The following EPHA6 variants were observed in gnomAD, a reference collection of about 807,000 sequenced individuals.
EPHA6 encodes ephrin type-A receptor 6.
Under a neutral mutation model 112.0 loss-of-function variants are expected in EPHA6, and 50 were observed. The ratio of observed to expected loss-of-function variants is 0.45; its 90% CI spans 0.36 to 0.56. The LOEUF (loss-of-function observed/expected upper bound fraction) is 0.56. Ranked by LOEUF, EPHA6 falls within the 20% of genes least tolerant of loss-of-function variation. The pLI is 0.00. For synonymous variants in EPHA6, 529 were observed against 490.7 expected, an observed-to-expected ratio of 1.08 and a Z score of -1.03; for missense variants, 1,280 against 1,417.4, an observed-to-expected ratio of 0.90 and a Z score of 1.56.
intron 3 of EPHA6, among the ~76,000 whole-genome samples, chr3:97,117,419 T>A (rs2047920599): frequency 6.6e-6 from 1 of 151,768 alleles, no homozygotes; most frequent in African/African-American, 2.4e-5. Flanking sequence ...TCCTAAAAAA[T>A]TTCCCGTTTC....
At position 97,500,957 on chromosome 3, in the gene EPHA6, A is replaced by G. The variant is rs1001535325; in HGVS notation, c.2200+16898A>G. Among the ~76,000 whole-genome samples the G allele has an allele frequency of 9.6e-4, 146 of 152,284 alleles. 1 individual carries two copies. Among genetic ancestry groups the G allele is most frequent in the Non-Finnish European group, 1.8e-4 (12 of 68,010 alleles). ...GCAATTTTTTTTCTAGTTCTAAAGT[A>G]CTATGCCCAAGCTCAAAGGGTTACC... On this transcript the variant is annotated intron_variant, in intron 10 of 17. Transcript: ENST00000389672.
At chr3:96,861,846 TAGA>T (rs1385014765) in intron 1 of EPHA6, among the ~76,000 whole-genome samples, 12 of 152,092 alleles carry the variant, frequency 7.9e-5, no homozygotes, top group African/African-American at 2.4e-4. Context: ...TGATCCTCTT[TAGA>T]AGATTTTATC....
At chr3:97,710,103 C>T (rs998707502) in intron 14 of EPHA6, among the ~76,000 whole-genome samples, 1 of 152,178 alleles carries the variant, frequency 6.6e-6, no homozygotes, top group African/African-American at 2.4e-5. Context: ...ATTTCCAGCT[C>T]TAGGTACTTC....
At chr3:97,680,940 T>C in intron 14 of EPHA6, among the ~76,000 whole-genome samples, 1 of 152,112 alleles carries the variant, frequency 6.6e-6, no homozygotes, top group Non-Finnish European at 1.5e-5. Flanking sequence ...TTATAACTGC[T>C]CTATCACACA....
intron 14 of EPHA6, among the ~76,000 whole-genome samples, chr3:97,650,312 T>G (rs73134941): frequency 0.075 from 11,412 of 152,130 alleles, 577 homozygotes; most frequent in Middle Eastern, 0.14. Flanking sequence ...AATATACTGC[T>G]TAGGTGAACT....
At chr3:97,653,312 A>G (rs2094118716) in intron 14 of EPHA6, among the ~76,000 whole-genome samples, 1 of 151,970 alleles carries the variant, frequency 6.6e-6, no homozygotes, top group African/African-American at 2.4e-5. Context: ...ACAACTCAAT[A>G]ATAATAATAA....
intron 6 of EPHA6, among the ~76,000 whole-genome samples, chr3:97,410,916 C>T (rs1271191383): frequency 3.3e-5 from 5 of 152,048 alleles, no homozygotes; most frequent in Admixed American, 2.6e-4. Context: ...GTAGATTTTA[C>T]ATGATTTGTA....
intron 3 of EPHA6, among the ~76,000 whole-genome samples, chr3:97,177,556 C>T (rs2076870176): frequency 6.6e-6 from 1 of 151,628 alleles, no homozygotes; most frequent in African/African-American, 2.4e-5. Context: ...TATGCATGCT[C>T]CAGTGTTTGG....
At chr3:97,468,018 G>A (rs1242286580) in intron 7 of EPHA6, among the ~76,000 whole-genome samples, 2 of 151,612 alleles carry the variant, frequency 1.3e-5, no homozygotes, top group Non-Finnish European at 3.0e-5. Context: ...GAGGTCATCA[G>A]GAAGAGTGAA....
chr3:96,849,345 T>C (rs1279706392), intron 1 of EPHA6, among the ~76,000 whole-genome samples: 3 of 152,130 alleles, frequency 2.0e-5, no homozygotes, highest in African/African-American at 7.2e-5. Context: ...ATGGGACTCT[T>C]ATAAAATCAA....
At chr3:97,014,055 A>T (rs1353769311) in intron 3 of EPHA6, among the ~76,000 whole-genome samples, 1 of 152,052 alleles carries the variant, frequency 6.6e-6, no homozygotes, top group Non-Finnish European at 1.5e-5. Context: ...ATATTTATTT[A>T]TATTTGAACT....
chr3:97,060,651 C>G lies in EPHA6; in HGVS notation c.1114+72658C>G, dbSNP rs534515163. On this transcript the variant is annotated intron_variant, in intron 3 of 17. Transcript: ENST00000389672. ...AGTCGGCCGGGCGCGGTGGCTCACG[C>G]CTGTAATCCCAGCACTTTGGGAGGC... 2.6e-5 allele frequency among the ~76,000 whole-genome samples: 4 copies of G among 152,178 alleles called. No individual in the cohort carries two copies. The South Asian group carries it at 8.3e-4, about 32-fold the overall frequency.
At chr3:97,569,846 C>T (rs748483151) in intron 11 of EPHA6, 17 of 152,060 alleles carry the variant, frequency 1.1e-4, no homozygotes, top group East Asian at 1.9e-4. Context: ...TAACAAAGTG[C>T]TTTTTTTCCT....
chr3:97,098,465 T>TA (rs1335555097), intron 3 of EPHA6, among the ~76,000 whole-genome samples: 1 of 151,848 alleles, frequency 6.6e-6, no homozygotes, highest in Non-Finnish European at 1.5e-5. Context: ...CAACAGAATT[T>TA]ATGGGAGAAC....
At chr3:96,985,194 C>A (rs1559645492) in intron 2 of EPHA6, among the ~76,000 whole-genome samples, 1 of 152,066 alleles carries the variant, frequency 6.6e-6, no homozygotes, top group Admixed American at 6.6e-5. Flanking sequence ...CTTGGAAACA[C>A]CCCCCGGAAT....
At chr3:97,411,180 C>T (rs1430468365) in intron 6 of EPHA6, among the ~76,000 whole-genome samples, 2 of 151,806 alleles carry the variant, frequency 1.3e-5, no homozygotes, top group Middle Eastern at 3.4e-3. Context: ...TACAAACACT[C>T]ATAAAGGTTT....
chr3:97,348,316 T>C (rs1399834767), intron 5 of EPHA6, among the ~76,000 whole-genome samples: 1 of 152,088 alleles, frequency 6.6e-6, no homozygotes, highest in Non-Finnish European at 1.5e-5. Flanking sequence ...GGCTAATTTC[T>C]TGAGTTTAAA....
At chr3:97,000,306 T>C (rs9815988) in intron 3 of EPHA6, among the ~76,000 whole-genome samples, 2 of 96,094 alleles carry the variant, frequency 2.1e-5, no homozygotes, top group African/African-American at 5.3e-5. Flanking sequence ...TATATAGCCA[T>C]ATATAGCCAC....
In EPHA6 at chr3:97,027,035, A is replaced by G. The variant is rs186314697; in HGVS notation, c.1114+39042A>G. Among the ~76,000 whole-genome samples the G allele has an allele frequency of 9.8e-5, 15 of 152,334 alleles. No individual in the cohort carries two copies. The East Asian group carries it at 2.3e-3, about 23-fold the overall frequency. On this transcript the variant is annotated intron_variant, in intron 3 of 17. Coordinates refer to ENST00000389672, the MANE Select transcript of EPHA6 (RefSeq NM_001080448.3). ...TCACAATAGCAAAGACATGGAATCA[A>G]TCTAAATGCCCATCAGTGATAGACT...
Sources: allele counts gnomAD v4.1 joint callset (sites outside exome capture counted in the v4.1 genomes callset), GRCh38; gene constraint gnomAD v4.1.1; transcripts MANE v1.5; gene names NCBI Gene and HGNC (gene_info 2026-07-23, HGNC 2026-07-21).